The following NRXN3 variants were observed in gnomAD, a reference collection of about 807,000 sequenced individuals.
NRXN3 encodes the protein neurexin 3.
A neutral mutation model predicts 137.6 loss-of-function variants in NRXN3; 32 were observed. That is an observed-to-expected ratio of 0.23 (90% CI 0.18 to 0.31). The LOEUF is 0.31. Ranked by LOEUF, NRXN3 falls within the 10% of genes least tolerant of loss-of-function variation. NRXN3 has a pLI of 1.00. For missense variants in NRXN3, 1,574 were observed against 2,062.5 expected (o/e 0.76, Z 4.59); for synonymous variants, 798 against 784.5 (o/e 1.02, Z -0.29).
chr14:79,146,431 G>A (rs956153248), intron 15 of NRXN3, among the ~76,000 whole-genome samples: 1 of 152,074 alleles, frequency 6.6e-6, no homozygotes, highest in African/African-American at 2.4e-5. Context: ...ACAAATTCAA[G>A]GATATGAGAA....
chr14:78,802,067 A>T (rs1016281028), intron 8 of NRXN3, among the ~76,000 whole-genome samples: 1 of 152,238 alleles, frequency 6.6e-6, no homozygotes, highest in Non-Finnish European at 1.5e-5. Flanking sequence ...TCAGTGACAG[A>T]TACTGAACCC....
intron 4 of NRXN3, among the ~76,000 whole-genome samples, chr14:78,588,355 T>C (rs1485935874): frequency 6.6e-6 from 1 of 152,242 alleles, no homozygotes; most frequent in East Asian, 1.9e-4. Context: ...TGATACAGTT[T>C]GTAACTGATA....
intron 15 of NRXN3, among the ~76,000 whole-genome samples, chr14:79,414,047 T>G (rs1599922216): frequency 6.6e-6 from 1 of 152,154 alleles, no homozygotes; most frequent in Non-Finnish European, 1.5e-5. Context: ...AATCAAGAGC[T>G]TTCATGTATT....
chr14:78,371,015 A>G (rs187753729), intron 4 of NRXN3, among the ~76,000 whole-genome samples: 172 of 152,352 alleles, frequency 1.1e-3, no homozygotes, highest in African/African-American at 4.1e-3. Context: ...ATATTTACCA[A>G]AATGATGAAT....
intron 2 of NRXN3, among the ~76,000 whole-genome samples, chr14:78,254,006 T>G (rs994891642): frequency 3.9e-5 from 6 of 152,350 alleles, no homozygotes; most frequent in Non-Finnish European, 7.3e-5. Context: ...ATGGGTGGGT[T>G]GATTCTAACA....
intron 4 of NRXN3, among the ~76,000 whole-genome samples, chr14:78,368,800 A>G (rs1033379237): frequency 6.6e-6 from 1 of 152,212 alleles, no homozygotes; most frequent in African/African-American, 2.4e-5. Context: ...TAAGTCTGTA[A>G]GAATGGATTT....
Position 79,861,278 on chromosome 14 carries a change from T to G in NRXN3, c.4094-64T>G. The G allele has an allele frequency of 6.5e-7, 1 of 1,536,082 alleles. No homozygotes were observed. The highest frequency in any genetic ancestry group is 8.7e-7 in the Non-Finnish European group (1 of 1,146,898). Reference sequence around the variant, plus strand: ...ATCTGGGTATGGCTCAGGGGAAACCTTTGACTCTAACCTGCCCCCTACTGA... The same window carrying G: ...ATCTGGGTATGGCTCAGGGGAAACCGTTGACTCTAACCTGCCCCCTACTGA... On this transcript the variant is annotated intron_variant, in intron 20 of 20. Transcript: ENST00000335750. The surrounding 1 kb of genome is among the most constrained non-coding windows in gnomAD (Gnocchi z 5.4).
chr14:79,857,552 A>G (rs1439859196), intron 20 of NRXN3, among the ~76,000 whole-genome samples: 1 of 152,134 alleles, frequency 6.6e-6, no homozygotes, highest in Non-Finnish European at 1.5e-5. Flanking sequence ...ATGATCTTAT[A>G]GTAGGAGAAA....
Position 79,467,366 on chromosome 14 carries a change from T to C in NRXN3, c.3408T>C (p.Ser1136=). The change falls in exon 16 of 21, where the codon AGT becomes AGC. Residue 1136 remains serine, a synonymous_variant. Transcript: ENST00000335750. ...ATGGCATCTTGGTCCGCATCGACAG[T>C]GCTCCAGGACTTGGTGACTTCCTCC... The part of the protein sequence containing the change: ...VKDGILVRID[S]APGLGDFLQL... 6.2e-7 allele frequency: 1 copy of C among 1,611,660 alleles called. No homozygotes were observed. The highest frequency in any genetic ancestry group is 8.5e-7 in the Non-Finnish European group (1 of 1,177,954).
At chr14:78,365,145 T>C (rs965861750) in intron 4 of NRXN3, among the ~76,000 whole-genome samples, 41 of 152,266 alleles carry the variant, frequency 2.7e-4, no homozygotes, top group African/African-American at 9.6e-4. Context: ...CAATAGATCA[T>C]GTACATGATT....
In NRXN3 at chr14:78,282,681, C is replaced by G. The variant is rs190678397; in HGVS notation, c.727+4019C>G. ...TACCTTTGCTGGAGCCTTCCCCTACCCGCTCTTGATCTCCGCCCCGTATTG... is the reference window on the plus strand; with the variant it reads ...TACCTTTGCTGGAGCCTTCCCCTACGCGCTCTTGATCTCCGCCCCGTATTG... On this transcript the variant is annotated intron_variant, in intron 3 of 20. Coordinates refer to ENST00000335750, the MANE Select transcript of NRXN3 (RefSeq NM_001330195.2). 7.2e-5 allele frequency among the ~76,000 whole-genome samples: 11 copies of G among 152,298 alleles called. No homozygotes were observed. In the East Asian group the frequency reaches 2.1e-3, roughly 30 times the overall value.
chr14:78,364,554 ATGTCAGATGTATACATG>A (rs2085614366), intron 4 of NRXN3, among the ~76,000 whole-genome samples: 1 of 152,206 alleles, frequency 6.6e-6, no homozygotes, highest in African/African-American at 2.4e-5. Flanking sequence ...AAATAATCTG[ATGTCAGATGTATACATG>A]TGTCAGATGG....
chr14:78,873,858 G>A (rs1173156544), intron 10 of NRXN3, among the ~76,000 whole-genome samples: 1 of 151,936 alleles, frequency 6.6e-6, no homozygotes, highest in Non-Finnish European at 1.5e-5. Context: ...TTGGTCCAAG[G>A]GAAAGGATTT....
At chr14:78,358,503 G>A (rs537502924) in intron 4 of NRXN3, among the ~76,000 whole-genome samples, 7 of 152,134 alleles carry the variant, frequency 4.6e-5, no homozygotes, top group South Asian at 2.1e-4. Context: ...TGGTATAACC[G>A]CTTGCTTCAA....
intron 17 of NRXN3, among the ~76,000 whole-genome samples, chr14:79,667,077 T>C (rs2098563118): frequency 6.6e-6 from 1 of 152,070 alleles, no homozygotes; most frequent in Admixed American, 6.6e-5. Flanking sequence ...TAACTATTAA[T>C]AATTTAAAGT....
intron 16 of NRXN3, among the ~76,000 whole-genome samples, chr14:79,604,888 T>C (rs2097983111): frequency 6.6e-6 from 1 of 151,718 alleles, no homozygotes; most frequent in Non-Finnish European, 1.5e-5. Flanking sequence ...AAAAATTAGC[T>C]GGGCATGGTG....
intron 19 of NRXN3, among the ~76,000 whole-genome samples, chr14:79,763,602 T>G (rs1374461691): frequency 6.6e-6 from 1 of 151,566 alleles, no homozygotes; most frequent in Non-Finnish European, 1.5e-5. Context: ...GTCACGGATC[T>G]GGAGGCTGGG....
At chr14:78,283,096 G>T (rs1323201859) in intron 3 of NRXN3, 2 of 152,202 alleles carry the variant, frequency 1.3e-5, no homozygotes, top group Non-Finnish European at 2.9e-5. Context: ...TTCCTCTCTT[G>T]TGCTGGGCAC....
At chr14:79,442,954 A>G (rs545690065) in intron 15 of NRXN3, among the ~76,000 whole-genome samples, 1 of 152,274 alleles carries the variant, frequency 6.6e-6, no homozygotes, top group African/African-American at 2.4e-5. Flanking sequence ...CGATGGGGAG[A>G]GAAATGAGCC....
Sources: allele counts gnomAD v4.1 joint callset (sites outside exome capture counted in the v4.1 genomes callset), GRCh38; gene constraint gnomAD v4.1.1; non-coding constraint Gnocchi (gnomAD v3.1); transcripts MANE v1.5; gene names NCBI Gene and HGNC (gene_info 2026-07-23, HGNC 2026-07-21).